KCNAB1: variants seen among roughly 807,000 people sequenced by gnomAD.
KCNAB1 encodes the protein potassium voltage-gated channel subfamily A regulatory beta subunit 1.
In KCNAB1, 35 loss-of-function variants were observed where a neutral mutation model predicts 64.6. The ratio of observed to expected loss-of-function variants is 0.54; its 90% CI spans 0.41 to 0.72. KCNAB1 has a LOEUF of 0.72. Among genes scored for constraint, KCNAB1 ranks in the 30% least tolerant of loss-of-function variants. The pLI is 0.00. For missense variants in KCNAB1, 401 were observed against 512.9 expected, an observed-to-expected ratio of 0.78 and a Z score of 2.11; for synonymous variants, 177 against 183.8, an observed-to-expected ratio of 0.96 and a Z score of 0.30.
At chr3:156,434,958 A>G (rs2108249910) in intron 2 of KCNAB1, among the ~76,000 whole-genome samples, 1 of 152,314 alleles carries the variant, frequency 6.6e-6, no homozygotes, top group Middle Eastern at 3.4e-3. Flanking sequence ...GAAGGCAGGT[A>G]GTTTGATGAT....
chr3:156,409,045 T>TCAACATAACCAGC (rs1714453683), intron 1 of KCNAB1, among the ~76,000 whole-genome samples: 2 of 152,190 alleles, frequency 1.3e-5, no homozygotes, highest in South Asian at 4.1e-4. Flanking sequence ...ACTCCAATTG[T>TCAACATAACCAGC]CAACATAACC....
chr3:156,333,341 C>CAT (rs754650083), intron 1 of KCNAB1, among the ~76,000 whole-genome samples: 1 of 118,118 alleles, frequency 8.5e-6, no homozygotes, highest in Non-Finnish European at 1.9e-5. Context: ...CACACACACA[C>CAT]ATACACACAC....
chr3:156,260,219 C>A (rs1051696048), intron 1 of KCNAB1, among the ~76,000 whole-genome samples: 1 of 152,138 alleles, frequency 6.6e-6, no homozygotes, highest in Non-Finnish European at 1.5e-5. Flanking sequence ...AAAAAATAAA[C>A]CTTCTCTCTT....
intron 6 of KCNAB1, 22 bp downstream of exon 6, chr3:156,463,768 A>G (rs758290464): frequency 6.3e-7 from 1 of 1,575,894 alleles, no homozygotes. Context: ...TTCCTACTAA[A>G]CAGAAAACAA....
At chr3:156,275,847 C>T (rs1719308365) in intron 1 of KCNAB1, among the ~76,000 whole-genome samples, 1 of 152,118 alleles carries the variant, frequency 6.6e-6, no homozygotes, top group Admixed American at 6.5e-5. Context: ...TCTTGAACCC[C>T]TCAAAGTCAT....
At chr3:156,478,885 T>G (rs1714576573) in intron 8 of KCNAB1, among the ~76,000 whole-genome samples, 1 of 152,038 alleles carries the variant, frequency 6.6e-6, no homozygotes, top group African/African-American at 2.4e-5. Context: ...GCGAGTCCTC[T>G]CAAAAGAATG....
intron 1 of KCNAB1, among the ~76,000 whole-genome samples, chr3:156,191,196 A>G (rs1308292001): frequency 6.6e-6 from 1 of 152,258 alleles, no homozygotes; most frequent in Non-Finnish European, 1.5e-5. Flanking sequence ...TAGAACATGC[A>G]GAAAAGGCCT....
chr3:156,156,083 A>G (rs1715693855), intron 1 of KCNAB1, among the ~76,000 whole-genome samples: 2 of 152,166 alleles, frequency 1.3e-5, no homozygotes, highest in South Asian at 2.1e-4. Flanking sequence ...TCAGGCTGAT[A>G]CAATGTGGCC....
chr3:156,245,944 T>C (rs1717425747), intron 1 of KCNAB1, among the ~76,000 whole-genome samples: 1 of 148,882 alleles, frequency 6.7e-6, no homozygotes, highest in Non-Finnish European at 1.5e-5. Flanking sequence ...TACAGAATTA[T>C]AACTGATAGG....
At chr3:156,131,031 G>A (rs1384869730) in intron 1 of KCNAB1, among the ~76,000 whole-genome samples, 1 of 152,234 alleles carries the variant, frequency 6.6e-6, no homozygotes, top group East Asian at 1.9e-4. Flanking sequence ...TTCAGAATTT[G>A]AGTTTAAGTC....
rs932230977 is a variant in KCNAB1, at chr3:156,434,811, T to C, written c.319+13152T>C. On this transcript the variant is annotated intron_variant, in intron 2 of 13. Coordinates refer to ENST00000490337, the MANE Select transcript of KCNAB1 (RefSeq NM_172160.3). Reference sequence around the variant, plus strand: ...GGAGTCCCTGAGAAAGAAGAAGGAGTTGGGATCCATAAGATAAGTGGAAAA... The same window carrying C: ...GGAGTCCCTGAGAAAGAAGAAGGAGCTGGGATCCATAAGATAAGTGGAAAA... Among the ~76,000 whole-genome samples the C allele has an allele frequency of 3.3e-5, 5 of 151,142 alleles. No individual in the cohort carries two copies. The East Asian group carries it at 5.8e-4, about 18-fold the overall frequency.
At chr3:156,488,294 A>AT (rs1477108701) in intron 8 of KCNAB1, among the ~76,000 whole-genome samples, 1 of 99,612 alleles carries the variant, frequency 1.0e-5, no homozygotes, top group African/African-American at 6.4e-5. Context: ...GATGGGTGCT[A>AT]TAAAAAAAAA....
chr3:156,289,999 G>T (rs183113380), intron 1 of KCNAB1, among the ~76,000 whole-genome samples: 2 of 152,128 alleles, frequency 1.3e-5, no homozygotes, highest in East Asian at 1.9e-4. Flanking sequence ...TAGGAGGGTC[G>T]CCTGGGCACC....
intron 1 of KCNAB1, among the ~76,000 whole-genome samples, chr3:156,232,409 T>C (rs1367614964): frequency 6.6e-6 from 1 of 152,266 alleles, no homozygotes; most frequent in Non-Finnish European, 1.5e-5. Context: ...TCCAGGGAGC[T>C]AGACCTTTAG....
intron 2 of KCNAB1, among the ~76,000 whole-genome samples, chr3:156,422,533 G>A (rs772571124): frequency 6.6e-6 from 1 of 152,242 alleles, no homozygotes; most frequent in Non-Finnish European, 1.5e-5. Context: ...CAGACAGGAT[G>A]AAGTATGAGT....
At chr3:156,137,263 A>G (rs1714406052) in intron 1 of KCNAB1, among the ~76,000 whole-genome samples, 1 of 151,960 alleles carries the variant, frequency 6.6e-6, no homozygotes, top group Non-Finnish European at 1.5e-5. Context: ...AGGAGTATAC[A>G]GTAGATAAGC....
At chr3:156,201,881 C>A (rs1289558320) in intron 1 of KCNAB1, among the ~76,000 whole-genome samples, 1 of 152,110 alleles carries the variant, frequency 6.6e-6, no homozygotes, top group Non-Finnish European at 1.5e-5. Flanking sequence ...TTCTGCTGGT[C>A]AGGTGCATTT....
At chr3:156,177,311 AG>A (rs1712446758) in intron 1 of KCNAB1, among the ~76,000 whole-genome samples, 2 of 152,148 alleles carry the variant, frequency 1.3e-5, no homozygotes, top group Non-Finnish European at 2.9e-5. Flanking sequence ...CACTATACCC[AG>A]ACACTTCTTA....
rs559668452 is a variant in KCNAB1, at chr3:156,169,026, A to G, written c.275+48140A>G. Among the ~76,000 whole-genome samples the G allele has an allele frequency of 1.4e-4, 22 of 152,332 alleles. No individual in the cohort carries two copies. In the South Asian group the frequency reaches 4.6e-3, roughly 32 times the overall value. ...GATTTTCTATGAACACTGATGCTAT[A>G]TCATATGAAATATTTTTATATGATT... is the stretch of plus-strand genomic sequence containing the variant. On this transcript the variant is annotated intron_variant, in intron 1 of 13. Coordinates refer to ENST00000490337, the MANE Select transcript of KCNAB1 (RefSeq NM_172160.3).
Sources: allele counts gnomAD v4.1 joint callset (sites outside exome capture counted in the v4.1 genomes callset), GRCh38; gene constraint gnomAD v4.1.1; transcripts MANE v1.5; gene names NCBI Gene and HGNC (gene_info 2026-07-23, HGNC 2026-07-21).